PARPBP: variants seen among roughly 807,000 people sequenced by gnomAD.
PARPBP encodes the protein PARP1 binding protein, also known as PCNA-interacting partner.
In PARPBP, 52 loss-of-function variants were observed where a neutral mutation model predicts 50.0. That is an observed-to-expected ratio of 1.04 (90% CI 0.83 to 1.31). The LOEUF (loss-of-function observed/expected upper bound fraction) is 1.31, where lower values mean the gene tolerates loss of function less well. Ranked by LOEUF, PARPBP falls within the 50% of genes most tolerant of loss-of-function variation. PARPBP has a pLI of 0.00. For missense variants in PARPBP, 697 were observed against 672.0 expected (o/e 1.04, Z -0.41); for synonymous variants, 244 against 232.1 (o/e 1.05, Z -0.47).
chr12:102,137,042 C>T (rs1883746017), intron 2 of PARPBP, among the ~76,000 whole-genome samples: 1 of 152,070 alleles, frequency 6.6e-6, no homozygotes, highest in South Asian at 2.1e-4. Context: ...GTAAACTCCG[C>T]CTCCTGGGTT....
chr12:102,183,105 C>A (rs1287872987), intron 9 of PARPBP, among the ~76,000 whole-genome samples: 1 of 152,132 alleles, frequency 6.6e-6, no homozygotes, highest in African/African-American at 2.4e-5. Context: ...TTAGTTTGAA[C>A]TAAGTTTTGC....
rs530860517 is a variant in PARPBP, at chr12:102,175,601, A to C, written c.940A>C (p.Lys314Gln). 68 of 1,613,292 alleles carry C rather than the reference A, an allele frequency of 4.2e-5. No homozygotes were observed. In the East Asian group the frequency reaches 1.2e-3, roughly 29 times the overall value. Residue 314 changes from lysine (K) to glutamine (Q), a missense_variant, in exon 7 of 11, where the codon AAA (lysine) becomes CAA (glutamine). Transcript: ENST00000327680. ...TGCTCAGGATTTGGATTTGAGGATT[A>C]AAAATATTATCAATTCTCAAGAAGG... ...EVAQDLDLRI[K>Q]NIINSQEGVV...
intron 2 of PARPBP, among the ~76,000 whole-genome samples, chr12:102,144,418 T>G (rs769218660): frequency 6.6e-6 from 1 of 152,204 alleles, no homozygotes; most frequent in Non-Finnish European, 1.5e-5. Context: ...AAATATTTTC[T>G]GATTTGACCA....
intron 8 of PARPBP, among the ~76,000 whole-genome samples, chr12:102,181,788 A>G (rs768164242): frequency 6.6e-6 from 1 of 152,166 alleles, no homozygotes; most frequent in Non-Finnish European, 1.5e-5. Flanking sequence ...GTAAATAACA[A>G]AAATTTGTTT....
chr12:102,195,676 T>C (rs1336522911), intron 10 of PARPBP, among the ~76,000 whole-genome samples: 2 of 151,752 alleles, frequency 1.3e-5, no homozygotes, highest in African/African-American at 4.8e-5. Flanking sequence ...TTGTAGCATA[T>C]GTTTAAGGAT....
intron 2 of PARPBP, among the ~76,000 whole-genome samples, chr12:102,137,862 C>A (rs984529472): frequency 6.6e-6 from 1 of 152,178 alleles, no homozygotes; most frequent in Non-Finnish European, 1.5e-5. Flanking sequence ...GCATAGTATT[C>A]CATGGTGTAT....
chr12:102,165,808 A>G lies in PARPBP; in HGVS notation c.746A>G (p.His249Arg), dbSNP rs775225247. 14 of 1,583,330 alleles carry G rather than the reference A, an allele frequency of 8.8e-6. No individual in the cohort carries two copies. The highest frequency in any genetic ancestry group is 1.2e-5 in the Non-Finnish European group (14 of 1,152,566). ...APPPSDPLRT[H>R]VKGLSNFINF... ...CCACCATCAGATCCTTTAAGGACACATGTAAAGGGATTGTCTAATTTTATT... is the reference window on the plus strand; with the variant it reads ...CCACCATCAGATCCTTTAAGGACACGTGTAAAGGGATTGTCTAATTTTATT... Residue 249 changes from histidine (H) to arginine (R), a missense_variant, in exon 6 of 11, where the codon CAT (histidine) becomes CGT (arginine). Coordinates refer to ENST00000327680, the MANE Select transcript of PARPBP (RefSeq NM_017915.5).
rs190340013 is a variant in PARPBP, at chr12:102,156,311, C to T, written c.495+2335C>T. On this transcript the variant is annotated intron_variant, in intron 4 of 10. Transcript: ENST00000327680. ...ATGCCATTCTCCTTCCTCAGCCTCC[C>T]GCGTAGCTGGGACTACAGGTGCCCA... Among the ~76,000 whole-genome samples, 1,289 of 151,352 alleles carry T rather than the reference C, an allele frequency of 8.5e-3. 13 individuals are homozygous for T. The highest frequency in any genetic ancestry group is 0.014 in the Non-Finnish European group (925 of 67,856).
At chr12:102,149,037 A>T (rs1594515697) in intron 3 of PARPBP, 1 of 152,142 alleles carries the variant, frequency 6.6e-6, no homozygotes, top group African/African-American at 2.4e-5. Context: ...AGAATTTATA[A>T]ACTGTTTTAG....
chr12:102,180,115 A>G (rs980508774), intron 8 of PARPBP, among the ~76,000 whole-genome samples: 2 of 152,180 alleles, frequency 1.3e-5, no homozygotes, highest in Non-Finnish European at 2.9e-5. Flanking sequence ...ATATCTGGAC[A>G]TGAAATAATT....
rs57945278 is a variant in PARPBP at position 102,121,571 on chromosome 12, T to TTTA, written c.-4+1285_-4+1286insTTA. ...TTTTTTTTTTTTTTTTTTTTTTTTT[T>TTTA]AAGACAGAGTCTCACTCTGTCACCT... On this transcript the variant is annotated intron_variant, in intron 1 of 10. Coordinates refer to ENST00000327680, the MANE Select transcript of PARPBP (RefSeq NM_017915.5). Among the ~76,000 whole-genome samples, 216 of 127,334 alleles carry TTTA rather than the reference T, an allele frequency of 1.7e-3. 13 individuals carry two copies. Among genetic ancestry groups the TTTA allele is most frequent in the African/African-American group, 6.3e-3 (206 of 32,660 alleles). 83.5% of individuals were successfully genotyped at this position (127,334 alleles called of 152,430 possible). A position where few individuals can be genotyped will look rare whatever the true frequency, so the allele number is the denominator to read the frequency against.
Position 102,196,946 on chromosome 12 carries a change from G to T in PARPBP, c.*655G>T. 6.4e-7 allele frequency: 1 copy of T among 1,554,514 alleles called. No homozygotes were observed. The highest frequency in any genetic ancestry group is 8.9e-7 in the Non-Finnish European group (1 of 1,127,982). ...TCTGTTTAATGGTGGTAGGATGTAA[G>T]AATTGAATTTTGAAAAGACTACTCA... is the stretch of plus-strand genomic sequence containing the variant. On this transcript the variant is annotated 3_prime_UTR_variant, in exon 11 of 11. Coordinates refer to ENST00000327680, the MANE Select transcript of PARPBP (RefSeq NM_017915.5).
At chr12:102,193,583 TGATAA>T (rs1322706803) in intron 9 of PARPBP, among the ~76,000 whole-genome samples, 1 of 152,072 alleles carries the variant, frequency 6.6e-6, no homozygotes, top group African/African-American at 2.4e-5. Context: ...AAATAATGTG[TGATAA>T]GATAATGTCA....
At chr12:102,141,539 G>T (rs139130913) in intron 2 of PARPBP, among the ~76,000 whole-genome samples, 2,667 of 152,066 alleles carry the variant, frequency 0.018, 37 homozygotes, top group African/African-American at 0.033. Flanking sequence ...TGATGTTAGC[G>T]GGTTATTTTG....
chr12:102,190,655 C>T (rs1001012995), intron 9 of PARPBP, among the ~76,000 whole-genome samples: 2 of 152,048 alleles, frequency 1.3e-5, no homozygotes, highest in South Asian at 2.1e-4. Context: ...TCCTGGTGAG[C>T]ATGTCTAAAG....
chr12:102,156,273 G>A (rs141133638), intron 4 of PARPBP, among the ~76,000 whole-genome samples: 9 of 126,912 alleles, frequency 7.1e-5, no homozygotes, highest in East Asian at 2.7e-4. Flanking sequence ...TGGAAGCTCC[G>A]CCTCCCGTGT....
chr12:102,150,278 C>CG (rs950365170), intron 3 of PARPBP: 4 of 453,804 alleles, frequency 8.8e-6, no homozygotes, highest in Non-Finnish European at 1.8e-5. Context: ...ATTTCCAGTG[C>CG]GGGGAAAAAG....
At chr12:102,121,033 A>G (rs1880974446) in intron 1 of PARPBP, among the ~76,000 whole-genome samples, 1 of 152,176 alleles carries the variant, frequency 6.6e-6, no homozygotes. Flanking sequence ...TTTTTTGTAT[A>G]GTGCAGCCTG....
At chr12:102,187,810 T>G (rs1890432454) in intron 9 of PARPBP, among the ~76,000 whole-genome samples, 1 of 152,180 alleles carries the variant, frequency 6.6e-6, no homozygotes, top group South Asian at 2.1e-4. Flanking sequence ...TAGTACGTCA[T>G]GGTAGAACAC....
Sources: allele counts gnomAD v4.1 joint callset (sites outside exome capture counted in the v4.1 genomes callset), GRCh38; gene constraint gnomAD v4.1.1; transcripts MANE v1.5; gene names NCBI Gene and HGNC (gene_info 2026-07-23, HGNC 2026-07-21).